Variants in FMO5 observed in about 807,000 individuals in gnomAD.
FMO5 encodes the protein flavin containing dimethylaniline monoxygenase 5.
In FMO5, 51 loss-of-function variants were observed where a neutral mutation model predicts 43.6. The observed-to-expected ratio is 1.17, with a 90% CI of 0.93 to 1.48. The LOEUF is 1.48. Among genes scored for constraint, FMO5 ranks in the 40% most tolerant of loss-of-function variants. The pLI is 0.00. For synonymous variants in FMO5, 187 were observed against 216.5 expected, an observed-to-expected ratio of 0.86 and a Z score of 1.20; for missense variants, 644 against 643.0, an observed-to-expected ratio of 1.00 and a Z score of -0.02.
chr1:147,186,501 C>A lies in FMO5; in HGVS notation c.*399G>T. ...ATTGAGCTTCTAATAGAAAATCAAA[C>A]CCTATCAGAAGAAGAGTTACGTGGA... On this transcript the variant is annotated 3_prime_UTR_variant, in exon 9 of 9. Transcript: ENST00000254090. 1.0e-6 allele frequency: 1 copy of A among 987,642 alleles called. No individual in the cohort carries two copies. Among genetic ancestry groups the A allele is most frequent in the Non-Finnish European group, 1.2e-6 (1 of 830,950 alleles). 61.2% of individuals were successfully genotyped at this position (987,642 alleles called of 1,614,324 possible). A position where few individuals can be genotyped will look rare whatever the true frequency, so the allele number is the denominator to read the frequency against.
intron 2 of FMO5, among the ~76,000 whole-genome samples, chr1:147,220,446 G>T (rs1455897896): frequency 6.6e-6 from 1 of 152,084 alleles, no homozygotes; most frequent in Non-Finnish European, 1.5e-5. Context: ...CTAACACATG[G>T]ATTCTAAAGT....
intron 2 of FMO5, among the ~76,000 whole-genome samples, chr1:147,216,563 C>T (rs1395957530): frequency 1.3e-5 from 2 of 152,120 alleles, no homozygotes; most frequent in East Asian, 1.9e-4. Flanking sequence ...TTGCAATTTA[C>T]CTAGCCTTTT....
chr1:147,216,500 A>G (rs1217670951), intron 2 of FMO5, among the ~76,000 whole-genome samples: 2 of 152,212 alleles, frequency 1.3e-5, no homozygotes, highest in Admixed American at 6.5e-5. Flanking sequence ...TGGAAAGAGT[A>G]TAACATCTCC....
intron 8 of FMO5, among the ~76,000 whole-genome samples, chr1:147,188,736 T>TA (rs1480248535): frequency 4.1e-5 from 6 of 148,042 alleles, no homozygotes; most frequent in African/African-American, 1.5e-4. Flanking sequence ...AATAAATAAA[T>TA]AAATAAATAT....
chr1:147,201,529 T>C, intron 6 of FMO5, 25 bp from the exon 7 acceptor site: 1 of 1,569,148 alleles, frequency 6.4e-7, no homozygotes, highest in Non-Finnish European at 8.7e-7. Flanking sequence ...AAAGATCAAG[T>C]GGAGAAATGA....
intron 2 of FMO5, among the ~76,000 whole-genome samples, chr1:147,218,436 C>T (rs1411927128): frequency 1.3e-5 from 2 of 151,792 alleles, no homozygotes; most frequent in Non-Finnish European, 2.9e-5. Flanking sequence ...ACGGGTTTCA[C>T]CATGTTAGCC....
chr1:147,199,584 A>G (rs782126328), intron 7 of FMO5, among the ~76,000 whole-genome samples: 1 of 152,336 alleles, frequency 6.6e-6, no homozygotes, highest in East Asian at 1.9e-4. Context: ...CTTGGAAAAG[A>G]GTCCCAGTTG....
rs782766567 is a variant in FMO5 at position 147,225,287 on chromosome 1, C to T, written c.-38G>A. The T allele has an allele frequency of 2.1e-5, 18 of 849,940 alleles. No homozygotes were observed. The highest frequency in any genetic ancestry group is 4.0e-4 in the Middle Eastern group (1 of 2,494). The allele number at this position is 849,940 out of a possible 1,614,324, so 52.6% of individuals were successfully genotyped here. On this transcript the variant is annotated splice_region_variant and 5_prime_UTR_variant, in exon 1 of 9. Coordinates refer to ENST00000254090, the MANE Select transcript of FMO5 (RefSeq NM_001461.4). Reference sequence around the variant, plus strand: ...GCTCTGCTGCGGTACCGGATCTCACCGCCTTTCCTGAAGCGCTCAACAGAT... The same window carrying T: ...GCTCTGCTGCGGTACCGGATCTCACTGCCTTTCCTGAAGCGCTCAACAGAT...
chr1:147,215,852 G>T lies in FMO5; in HGVS notation c.226C>A (p.Pro76Thr), dbSNP rs1553924906. 2 of 1,613,492 alleles carry T rather than the reference G, an allele frequency of 1.2e-6. No individual in the cohort carries two copies. The change falls in exon 3 of 9, where the codon CCA becomes ACA. Residue 76 changes from proline to threonine, a missense_variant. Transcript: ENST00000254090. ...EMMCFSDYPIPDHYPNFMHNA... is the reference protein window; with the variant it reads ...EMMCFSDYPITDHYPNFMHNA... The stretch of plus-strand genomic sequence containing the variant: ...TGCATGAAGTTGGGATAATGATCTG[G>T]GATTGGATAGTCACTGAAGCACATC...
At chr1:147,213,181 C>G (rs938287247) in intron 4 of FMO5, 127 bp downstream of exon 4, 30 of 799,042 alleles carry the variant, frequency 3.8e-5, no homozygotes, top group Non-Finnish European at 5.0e-5. Flanking sequence ...TTCTGGGGAA[C>G]AAGAATAATT....
At position 147,186,995 on chromosome 1, in the gene FMO5, C is replaced by T. The variant is rs751841669; in HGVS notation, c.1507G>A (p.Val503Ile). 6.2e-7 allele frequency: 1 copy of T among 1,614,190 alleles called. No homozygotes were observed. Among genetic ancestry groups the T allele is most frequent in the Non-Finnish European group, 8.5e-7 (1 of 1,180,022 alleles). The change falls in exon 9 of 9, where the codon GTA becomes ATA. Residue 503 changes from valine to isoleucine, a missense_variant. Transcript: ENST00000254090. The stretch of plus-strand genomic sequence containing the variant: ...GTCATAGAACTACTCCTTTCAACTA[C>T]TCTTGTCATCAGAGGCTTCCTGATG... ...DRIRKPLMTR[V>I]VERSSSMTST...
At chr1:147,222,587 A>T (rs1380253808) in intron 2 of FMO5, among the ~76,000 whole-genome samples, 1 of 152,204 alleles carries the variant, frequency 6.6e-6, no homozygotes, top group African/African-American at 2.4e-5. Flanking sequence ...GCTTTAAAAA[A>T]TGGAGATAGT....
At position 147,195,306 on chromosome 1, in the gene FMO5, T is replaced by C. The variant is rs192822980; in HGVS notation, c.1184-5057A>G. On this transcript the variant is annotated intron_variant, in intron 7 of 8. Coordinates refer to ENST00000254090, the MANE Select transcript of FMO5 (RefSeq NM_001461.4). Reference sequence around the variant, plus strand: ...ACCAAACCCAAATAATTTTTTTTTGTAGTTTTAGTAGAGACGAGGTTTCAC... The same window carrying C: ...ACCAAACCCAAATAATTTTTTTTTGCAGTTTTAGTAGAGACGAGGTTTCAC... 6.4e-4 allele frequency among the ~76,000 whole-genome samples: 97 copies of C among 152,148 alleles called. 1 individual carries two copies. Among genetic ancestry groups the C allele is most frequent in the African/African-American group, 2.2e-3 (91 of 41,446 alleles).
chr1:147,212,565 T>C, intron 4 of FMO5, 30 bp from the exon 5 acceptor site: 1 of 1,599,452 alleles, frequency 6.3e-7, no homozygotes, highest in East Asian at 2.2e-5. Flanking sequence ...AATTATTGGG[T>C]AATGGTTTAC....
chr1:147,192,056 T>C (rs1656963021), intron 7 of FMO5, among the ~76,000 whole-genome samples: 1 of 152,150 alleles, frequency 6.6e-6, no homozygotes, highest in Non-Finnish European at 1.5e-5. Context: ...AGAAAGTCAT[T>C]GGTCACTTGA....
chr1:147,225,528 A>T (rs192319734), upstream of FMO5: 172 of 159,958 alleles, frequency 1.1e-3, 1 homozygote, highest in African/African-American at 3.8e-3. Flanking sequence ...AGTTAATCCT[A>T]CAACTTCTCT....
At chr1:147,211,429 TATC>T (rs771003726) in intron 5 of FMO5, 3 of 152,220 alleles carry the variant, frequency 2.0e-5, no homozygotes, top group African/African-American at 4.8e-5. Context: ...ATTTATGAAG[TATC>T]ATATGAAATA....
intron 6 of FMO5, among the ~76,000 whole-genome samples, chr1:147,206,316 G>A (rs1453652710): frequency 7.2e-5 from 11 of 152,192 alleles, no homozygotes; most frequent in Non-Finnish European, 1.5e-4. Context: ...TACACTGTTG[G>A]TGGGACTGTA....
At chr1:147,197,037 T>C (rs906983646) in intron 7 of FMO5, among the ~76,000 whole-genome samples, 7 of 152,204 alleles carry the variant, frequency 4.6e-5, no homozygotes, top group Admixed American at 4.6e-4. Context: ...CCTCTTCCAG[T>C]TAAAATCCTT....
Sources: gnomAD v4.1 joint callset for allele counts (sites outside exome capture counted in the v4.1 genomes callset) on GRCh38, gnomAD v4.1.1 for gene constraint, MANE v1.5 for transcripts, NCBI Gene and HGNC (gene_info 2026-07-23, HGNC 2026-07-21) for gene names.